Variants in NECTIN3 observed in about 807,000 individuals in gnomAD.
The protein encoded by NECTIN3 is nectin cell adhesion molecule 3.
NECTIN3 carries 8 observed loss-of-function variants against 49.4 expected under a neutral mutation model. That is an observed-to-expected ratio of 0.16 (90% CI 0.10 to 0.29). The LOEUF is 0.29. Ranked by LOEUF, NECTIN3 falls within the 10% of genes least tolerant of loss-of-function variation. The pLI is 1.00. For missense variants in NECTIN3, 581 were observed against 654.6 expected (o/e 0.89, Z 1.23); for synonymous variants, 277 against 241.1 (o/e 1.15, Z -1.38).
chr3:111,098,444 T>G lies in NECTIN3; in HGVS notation c.161-13586T>G, dbSNP rs569842570. On this transcript the variant is annotated intron_variant, in intron 1 of 5. Coordinates refer to ENST00000485303, the MANE Select transcript of NECTIN3 (RefSeq NM_015480.3). ...TCTAAGGGAGATTTTGTTCCATGCT[T>G]CTTTCAGCTTTGGTGGCTACAGGCA... Among the ~76,000 whole-genome samples the G allele has an allele frequency of 2.6e-5, 4 of 152,300 alleles. No homozygotes were observed. The East Asian group carries it at 5.8e-4, about 22-fold the overall frequency.
chr3:111,113,787 C>G (rs986967533), intron 2 of NECTIN3, among the ~76,000 whole-genome samples: 1 of 152,044 alleles, frequency 6.6e-6, no homozygotes, highest in East Asian at 1.9e-4. Context: ...AGTACAAGAC[C>G]AGCCTGGCCA....
At chr3:111,193,238 G>A (rs2035845061) in intron 1 of NECTIN3, 2 of 1,535,572 alleles carry the variant, frequency 1.3e-6, no homozygotes, top group Non-Finnish European at 1.7e-6. Flanking sequence ...ATGAAGATGA[G>A]AATCCAGTTG....
intron 5 of NECTIN3, among the ~76,000 whole-genome samples, chr3:111,131,817 A>G (rs2034401328): frequency 6.6e-6 from 1 of 151,886 alleles, no homozygotes; most frequent in African/African-American, 2.4e-5. Context: ...GAAAAAAACT[A>G]GCATATAAAG....
At chr3:111,103,587 GAAAT>G (rs1349778214) in intron 1 of NECTIN3, among the ~76,000 whole-genome samples, 2 of 150,982 alleles carry the variant, frequency 1.3e-5, no homozygotes, top group Non-Finnish European at 1.5e-5. Flanking sequence ...AATAAATAAA[GAAAT>G]AAAGAAAGGA....
intron 4 of NECTIN3, 33 bp downstream of exon 4, chr3:111,122,271 T>C: frequency 1.3e-6 from 2 of 1,483,728 alleles, no homozygotes; most frequent in South Asian, 2.3e-5. Context: ...AGAAATTATC[T>C]AAAAGTGAAA....
intron 7 of NECTIN3, among the ~76,000 whole-genome samples, chr3:111,184,472 T>G (rs915745993): frequency 1.3e-5 from 2 of 152,190 alleles, no homozygotes; most frequent in African/African-American, 4.8e-5. Flanking sequence ...CCTGGCCTTC[T>G]GCTTTCCACG....
chr3:111,098,986 T>C (rs1419411231), intron 1 of NECTIN3, among the ~76,000 whole-genome samples: 1 of 152,122 alleles, frequency 6.6e-6, no homozygotes, highest in African/African-American at 2.4e-5. Flanking sequence ...CTTTCTGGCC[T>C]TATCTCCTGT....
At chr3:111,129,243 T>C (rs1368373383) in intron 5 of NECTIN3, among the ~76,000 whole-genome samples, 1 of 152,140 alleles carries the variant, frequency 6.6e-6, no homozygotes, top group African/African-American at 2.4e-5. Flanking sequence ...TGAAATAAAA[T>C]ACCCTCCCTT....
intron 7 of NECTIN3, among the ~76,000 whole-genome samples, chr3:111,155,718 T>A (rs2035082756): frequency 6.6e-6 from 1 of 152,186 alleles, no homozygotes; most frequent in South Asian, 2.1e-4. Context: ...GTTCTTTTGA[T>A]ATGTTAAAAA....
chr3:111,190,012 A>T (rs1242728290), upstream of NECTIN3, among the ~76,000 whole-genome samples: 16 of 152,216 alleles, frequency 1.1e-4, no homozygotes. Context: ...ACACAGCAGG[A>T]GGCAGGGATG....
intron 7 of NECTIN3, among the ~76,000 whole-genome samples, chr3:111,174,926 A>G (rs2035499757): frequency 1.3e-5 from 2 of 152,126 alleles, no homozygotes; most frequent in South Asian, 4.1e-4. Flanking sequence ...GTGTCCCGGT[A>G]GAATTGGGTC....
At chr3:111,133,282 G>A (rs2034455926) in intron 5 of NECTIN3, among the ~76,000 whole-genome samples, 1 of 151,424 alleles carries the variant, frequency 6.6e-6, no homozygotes, top group Non-Finnish European at 1.5e-5. Context: ...TAATTATTAA[G>A]CTTGCTATGT....
At chr3:111,173,783 T>C (rs1195356555) in intron 7 of NECTIN3, among the ~76,000 whole-genome samples, 1 of 151,802 alleles carries the variant, frequency 6.6e-6, no homozygotes, top group East Asian at 1.9e-4. Flanking sequence ...GTGTACAGCC[T>C]ACATTTATTC....
chr3:111,163,099 T>C (rs545760307), intron 7 of NECTIN3, among the ~76,000 whole-genome samples: 1 of 152,350 alleles, frequency 6.6e-6, no homozygotes, highest in East Asian at 1.9e-4. Flanking sequence ...GTCATCTGAA[T>C]GCTCACTCAC....
chr3:111,094,068 A>G (rs1391000434), intron 1 of NECTIN3, among the ~76,000 whole-genome samples: 1 of 152,028 alleles, frequency 6.6e-6, no homozygotes, highest in Non-Finnish European at 1.5e-5. Flanking sequence ...AAGGAAAGGA[A>G]AAGACAAAAA....
downstream of NECTIN3, among the ~76,000 whole-genome samples, chr3:111,140,713 A>G (rs755665691): frequency 6.6e-6 from 1 of 151,778 alleles, no homozygotes; most frequent in Non-Finnish European, 1.5e-5. Context: ...GCTCTCATAA[A>G]TCGTGTCACA....
intron 2 of NECTIN3, among the ~76,000 whole-genome samples, chr3:111,115,151 C>G (rs1396342762): frequency 6.6e-6 from 1 of 152,172 alleles, no homozygotes; most frequent in Admixed American, 6.5e-5. Flanking sequence ...TTGTTAAACT[C>G]ATAATGTCTC....
intron 5 of NECTIN3, among the ~76,000 whole-genome samples, chr3:111,130,081 C>T (rs1396445906): frequency 6.6e-6 from 1 of 151,740 alleles, no homozygotes; most frequent in Non-Finnish European, 1.5e-5. Context: ...CTCAGCCTCC[C>T]AAGCAGCTGG....
At chr3:111,153,055 G>A (rs2035031272) in intron 7 of NECTIN3, among the ~76,000 whole-genome samples, 1 of 151,906 alleles carries the variant, frequency 6.6e-6, no homozygotes, top group Non-Finnish European at 1.5e-5. Context: ...AGAGGAATAT[G>A]ATAGAAGAGT....
Sources: allele counts gnomAD v4.1 joint callset (sites outside exome capture counted in the v4.1 genomes callset), GRCh38; gene constraint gnomAD v4.1.1; transcripts MANE v1.5; gene names NCBI Gene and HGNC (gene_info 2026-07-23, HGNC 2026-07-21).